The following BRDT variants were observed in gnomAD, a reference collection of about 807,000 sequenced individuals.
BRDT encodes bromodomain testis associated.
A neutral mutation model predicts 113.9 loss-of-function variants in BRDT; 77 were observed. The ratio of observed to expected loss-of-function variants is 0.68; its 90% CI spans 0.56 to 0.82. The LOEUF is 0.82. BRDT is among the 40% of genes least tolerant of loss of function. BRDT has a pLI of 0.00. For missense variants in BRDT, 1,027 were observed against 1,105.4 expected (o/e 0.93, Z 1.01); for synonymous variants, 358 against 366.5 (o/e 0.98, Z 0.26).
At chr1:91,995,129 C>T (rs1322763999) in intron 15 of BRDT, among the ~76,000 whole-genome samples, 1 of 151,934 alleles carries the variant, frequency 6.6e-6, no homozygotes, top group Non-Finnish European at 1.5e-5. Context: ...ATGTGTGGCA[C>T]GAAGGGTACT....
intron 14 of BRDT, among the ~76,000 whole-genome samples, chr1:91,993,645 C>G (rs900428173): frequency 6.6e-6 from 1 of 152,018 alleles, no homozygotes; most frequent in African/African-American, 2.4e-5. Flanking sequence ...AAATTTATCC[C>G]CTTATGTCTG....
chr1:92,001,490 G>A (rs1686839368), intron 15 of BRDT, among the ~76,000 whole-genome samples: 1 of 152,174 alleles, frequency 6.6e-6, no homozygotes. Context: ...AAGGTCAGGA[G>A]TTCAAGTCCA....
intron 15 of BRDT, among the ~76,000 whole-genome samples, chr1:91,994,737 G>A (rs1570602476): frequency 2.0e-5 from 3 of 150,386 alleles, no homozygotes; most frequent in East Asian, 1.9e-4. Context: ...GCGCAGTGGC[G>A]GGCGCCTGTA....
intron 1 of BRDT, among the ~76,000 whole-genome samples, chr1:91,961,005 T>C (rs1682384788): frequency 6.6e-6 from 1 of 152,200 alleles, no homozygotes; most frequent in Admixed American, 6.5e-5. Context: ...TCTAATAAAT[T>C]CGGTTTTAAA....
chr1:92,012,844 A>C (rs576625827), intron 18 of BRDT, among the ~76,000 whole-genome samples: 9 of 152,156 alleles, frequency 5.9e-5, no homozygotes, highest in South Asian at 2.1e-4. Context: ...TGCGAGGCAG[A>C]GGTTGCAGTG....
intron 1 of BRDT, among the ~76,000 whole-genome samples, chr1:91,959,952 G>A (rs113384635): frequency 6.6e-6 from 1 of 152,124 alleles, no homozygotes; most frequent in Non-Finnish European, 1.5e-5. Context: ...ATTCCCAGGC[G>A]CTCTCTCCAG....
chr1:91,977,857 G>A (rs1163937277), intron 6 of BRDT, among the ~76,000 whole-genome samples: 1 of 151,958 alleles, frequency 6.6e-6, no homozygotes, highest in Non-Finnish European at 1.5e-5. Context: ...GTGACAGAGG[G>A]AAACTCTGTC....
At chr1:91,966,855 G>C (rs1293909896) in intron 3 of BRDT, among the ~76,000 whole-genome samples, 1 of 152,152 alleles carries the variant, frequency 6.6e-6, no homozygotes, top group Non-Finnish European at 1.5e-5. Context: ...TGGATCACAA[G>C]GTCAGGAGTT....
At chr1:91,970,002 T>C (rs1183091090) in intron 4 of BRDT, among the ~76,000 whole-genome samples, 1 of 152,038 alleles carries the variant, frequency 6.6e-6, no homozygotes, top group Non-Finnish European at 1.5e-5. Context: ...CTAATTTTTG[T>C]ATTTTTTAGT....
chr1:91,980,997 C>CA lies in BRDT; in HGVS notation c.1572dup (p.Leu525ThrfsTer5). On this transcript the variant is annotated frameshift_variant, in exon 10 of 19. Coordinates refer to ENST00000399546, the MANE Select transcript of BRDT (RefSeq NM_207189.4). LOFTEE classifies it high-confidence loss of function. ...AAAGGCAGTTAAGTCTGAATATAAA[C>CA]AAACTCCCTGGAGATAAACTTGGGC... The CA allele has an allele frequency of 6.2e-7, 1 of 1,614,052 alleles. No homozygotes were observed. The highest frequency in any genetic ancestry group is 8.5e-7 in the Non-Finnish European group (1 of 1,179,986).
At chr1:91,987,456 C>A (rs1685354896) in intron 12 of BRDT, among the ~76,000 whole-genome samples, 2 of 152,042 alleles carry the variant, frequency 1.3e-5, no homozygotes, top group African/African-American at 4.8e-5. Context: ...GCCTCAGCCT[C>A]CTGTGTAGCT....
chr1:91,991,509 C>T (rs1238939809), intron 13 of BRDT, among the ~76,000 whole-genome samples: 1 of 152,154 alleles, frequency 6.6e-6, no homozygotes, highest in Admixed American at 6.5e-5. Flanking sequence ...CAGCTTATCC[C>T]TGAGAGTCTG....
rs868168619 is a variant in BRDT, at chr1:91,964,692, A to G, written c.258A>G (p.Lys86=). 6.6e-7 allele frequency: 1 copy of G among 1,522,438 alleles called. No homozygotes were observed. Among genetic ancestry groups the G allele is most frequent in the Middle Eastern group, 1.7e-4 (1 of 5,766 alleles). The allele number at this position is 1,522,438 out of a possible 1,614,324, so 94.3% of individuals were successfully genotyped here. Residue 86 remains lysine (K), a synonymous_variant, in exon 3 of 19, where the codon AAA becomes AAG. Transcript: ENST00000399546. The part of the protein sequence containing the change: ...LNTIKKRLEN[K]YYAKASECIE... ...CAATTAAGAAGCGCTTGGAGAATAA[A>G]TATTATGCGAAGGCTTCAGAATGTA...
intron 4 of BRDT, among the ~76,000 whole-genome samples, chr1:91,969,746 T>G (rs922241328): frequency 1.3e-5 from 2 of 152,022 alleles, no homozygotes; most frequent in African/African-American, 4.8e-5. Flanking sequence ...CTGTTAACAG[T>G]TACCTGAGCA....
intron 16 of BRDT, among the ~76,000 whole-genome samples, chr1:92,002,539 A>G (rs2101799894): frequency 6.6e-6 from 1 of 151,890 alleles, no homozygotes; most frequent in Middle Eastern, 3.4e-3. Flanking sequence ...AATTTTTTGT[A>G]TTTTTATTGG....
intron 1 of BRDT, among the ~76,000 whole-genome samples, chr1:91,952,688 C>T (rs972767842): frequency 6.9e-6 from 1 of 145,896 alleles, no homozygotes; most frequent in Admixed American, 7.2e-5. Flanking sequence ...TGCCTGTGAT[C>T]GTAGCACTTG....
Position 91,981,171 on chromosome 1 carries a change from A to G in BRDT, c.1743A>G (p.Lys581=), listed in dbSNP as rs1684689044. 6.2e-7 allele frequency: 1 copy of G among 1,605,928 alleles called. No individual in the cohort carries two copies. Among genetic ancestry groups the G allele is most frequent in the Non-Finnish European group, 8.5e-7 (1 of 1,177,420 alleles). ...CATGTCTAAGAAAGAGACCATTAAA[A>G]CCTCCTGGTATGTATTTCTGCATAT... ...VSACLRKRPL[K]PPAKKIMMSK... is the part of the protein sequence containing the mutation. The change falls in exon 10 of 19, where the codon AAA becomes AAG. Residue 581 remains lysine (K), a synonymous_variant. Transcript: ENST00000399546.
intron 12 of BRDT, among the ~76,000 whole-genome samples, chr1:91,989,650 C>T (rs888089301): frequency 6.6e-6 from 1 of 152,146 alleles, no homozygotes; most frequent in African/African-American, 2.4e-5. Context: ...CATGAGCCAC[C>T]ATGCCCTGCC....
intron 3 of BRDT, among the ~76,000 whole-genome samples, chr1:91,967,831 C>T (rs559647348): frequency 1.2e-4 from 18 of 152,278 alleles, no homozygotes; most frequent in African/African-American, 4.1e-4. Flanking sequence ...CCATGCCTGG[C>T]GAAATTCTCA....
Sources: allele counts gnomAD v4.1 joint callset (sites outside exome capture counted in the v4.1 genomes callset), GRCh38; gene constraint gnomAD v4.1.1; transcripts MANE v1.5; gene names NCBI Gene and HGNC (gene_info 2026-07-23, HGNC 2026-07-21).